CTNNA2: variants seen among roughly 807,000 people sequenced by gnomAD.
The protein encoded by CTNNA2 is catenin alpha-2.
In CTNNA2, 42 loss-of-function variants were observed where a neutral mutation model predicts 101.0. That is an observed-to-expected ratio of 0.42 (90% CI 0.32 to 0.54). CTNNA2 has a LOEUF of 0.54. CTNNA2 is among the 20% of genes least tolerant of loss of function. The probability of loss-of-function intolerance (pLI) is 0.14; values close to 1 mark genes in which losing one functional copy is unlikely to be tolerated. For synonymous variants in CTNNA2, 450 were observed against 456.4 expected (o/e 0.99, Z 0.18); for missense variants, 871 against 1,223.1 (o/e 0.71, Z 4.29).
In CTNNA2 at chr2:79,757,697, C is replaced by T. The variant is rs77235514; in HGVS notation, c.298+13115C>T. Among the ~76,000 whole-genome samples, 942 of 152,260 alleles carry T rather than the reference C, an allele frequency of 6.2e-3. 19 individuals are homozygous for T. Among genetic ancestry groups the T allele is most frequent in the East Asian group, 0.052 (268 of 5,174 alleles). On this transcript the variant is annotated intron_variant, in intron 3 of 18. Coordinates refer to ENST00000402739, the MANE Select transcript of CTNNA2 (RefSeq NM_001282597.3). ...CACCCGAGAACACAGCCACAGGTGG[C>T]TCAATGGGTGGGGCTTGCTTTGCAG...
At chr2:79,961,377 G>T (rs1219764924) in intron 7 of CTNNA2, among the ~76,000 whole-genome samples, 1 of 152,140 alleles carries the variant, frequency 6.6e-6, no homozygotes, top group Non-Finnish European at 1.5e-5. Context: ...CTTGAGGCAT[G>T]ATTCCCTTAT....
chr2:79,659,039 T>C (rs1681822948), intron 2 of CTNNA2, among the ~76,000 whole-genome samples: 1 of 152,016 alleles, frequency 6.6e-6, no homozygotes, highest in South Asian at 2.1e-4. Flanking sequence ...ATTTAATTTA[T>C]TATAACAGGA....
At chr2:79,511,306 C>G (rs185487157), upstream of CTNNA2, among the ~76,000 whole-genome samples, 4 of 152,300 alleles carry the variant, frequency 2.6e-5, no homozygotes, top group East Asian at 7.7e-4. Flanking sequence ...CTCTCTAAAT[C>G]TTATTCATGC....
At chr2:80,535,439 A>T (rs1690925033) in intron 9 of CTNNA2, among the ~76,000 whole-genome samples, 1 of 152,146 alleles carries the variant, frequency 6.6e-6, no homozygotes, top group Non-Finnish European at 1.5e-5. Flanking sequence ...TGGGTTAACT[A>T]ATCTCTTATT....
intron 7 of CTNNA2, among the ~76,000 whole-genome samples, chr2:80,097,518 C>T (rs369400073): frequency 2.0e-5 from 3 of 152,006 alleles, no homozygotes; most frequent in South Asian, 2.1e-4. Context: ...ATCTTTGTGG[C>T]GTTCTCTGTA....
intron 12 of CTNNA2, among the ~76,000 whole-genome samples, chr2:80,556,839 C>T (rs899949873): frequency 1.3e-5 from 2 of 152,158 alleles, no homozygotes; most frequent in East Asian, 3.9e-4. Flanking sequence ...ACAGAAGGGC[C>T]TCTCCCCTCA....
chr2:79,223,386 G>A (rs923283735), intron 2 of CTNNA2, among the ~76,000 whole-genome samples: 6 of 152,050 alleles, frequency 3.9e-5, no homozygotes, highest in African/African-American at 1.2e-4. Context: ...TGACATCCTG[G>A]GGGGACTCAG....
intron 9 of CTNNA2, among the ~76,000 whole-genome samples, chr2:80,530,403 T>C (rs191350023): frequency 1.3e-4 from 20 of 152,270 alleles, no homozygotes; most frequent in African/African-American, 4.8e-4. Context: ...GAGAGACTTG[T>C]GAGAGCACTG....
chr2:79,883,833 C>T (rs1038006842), intron 6 of CTNNA2, among the ~76,000 whole-genome samples: 1 of 152,072 alleles, frequency 6.6e-6, no homozygotes. Flanking sequence ...GATGCTTCAA[C>T]ATCTCAAAGA....
At chr2:79,520,019 C>T (rs1212954790) in intron 1 of CTNNA2, among the ~76,000 whole-genome samples, 3 of 152,218 alleles carry the variant, frequency 2.0e-5, no homozygotes, top group Non-Finnish European at 4.4e-5. Context: ...ATAGCAAAGC[C>T]TTGCTTATCC....
chr2:80,126,622 C>CCTTCCTTCCTTCCTT (rs1702136386), intron 7 of CTNNA2, among the ~76,000 whole-genome samples: 2 of 54,206 alleles, frequency 3.7e-5, no homozygotes, highest in Non-Finnish European at 3.3e-5. Flanking sequence ...CTCCCTCCCT[C>CCTTCCTTCCTTCCTT]CCTCCCTCCC....
chr2:79,355,906 A>G (rs1293317007), intron 3 of CTNNA2, among the ~76,000 whole-genome samples: 2 of 152,078 alleles, frequency 1.3e-5, no homozygotes, highest in South Asian at 2.1e-4. Flanking sequence ...GAACATTCAC[A>G]TACAAGTATT....
chr2:80,422,216 A>G (rs1393589845), intron 9 of CTNNA2, among the ~76,000 whole-genome samples: 1 of 152,206 alleles, frequency 6.6e-6, no homozygotes, highest in African/African-American at 2.4e-5. Flanking sequence ...GGCAGCAGGC[A>G]AGAGAACTTG....
chr2:79,280,280 G>T (rs888626299), intron 2 of CTNNA2, among the ~76,000 whole-genome samples: 5 of 151,968 alleles, frequency 3.3e-5, no homozygotes, highest in African/African-American at 1.2e-4. Context: ...TCCTTCCCTG[G>T]ACTCTATTTT....
intron 2 of CTNNA2, among the ~76,000 whole-genome samples, chr2:79,203,400 C>T (rs769219285): frequency 5.9e-5 from 9 of 151,962 alleles, no homozygotes; most frequent in Non-Finnish European, 1.0e-4. Flanking sequence ...AAGTAAATGT[C>T]AAAAAGCACA....
chr2:79,682,410 C>CAAAAAAAAAAAAAAAA (rs10674928), intron 2 of CTNNA2, among the ~76,000 whole-genome samples: 2 of 73,336 alleles, frequency 2.7e-5, no homozygotes, highest in Non-Finnish European at 5.0e-5. Flanking sequence ...AACTCCATCT[C>CAAAAAAAAAAAAAAAA]AAAAAAAAAA....
At chr2:80,646,082 C>CAA (rs1674056165) in intron 18 of CTNNA2, among the ~76,000 whole-genome samples, 1 of 152,036 alleles carries the variant, frequency 6.6e-6, no homozygotes, top group African/African-American at 2.4e-5. Context: ...CTGATAACCT[C>CAA]AATACTGCGT....
intron 7 of CTNNA2, among the ~76,000 whole-genome samples, chr2:80,165,286 A>G (rs1704604216): frequency 2.1e-5 from 3 of 143,426 alleles, no homozygotes; most frequent in Admixed American, 6.9e-5. Context: ...CTAGTTCCTG[A>G]TTTTTTTCTT....
chr2:80,005,452 A>G (rs1693267979), intron 7 of CTNNA2, among the ~76,000 whole-genome samples: 1 of 152,156 alleles, frequency 6.6e-6, no homozygotes, highest in Non-Finnish European at 1.5e-5. Flanking sequence ...AGACAACTTA[A>G]GGGGAAAAAA....
Sources: allele counts gnomAD v4.1 joint callset (sites outside exome capture counted in the v4.1 genomes callset), GRCh38; gene constraint gnomAD v4.1.1; transcripts MANE v1.5; gene names NCBI Gene and HGNC (gene_info 2026-07-23, HGNC 2026-07-21).